TM2D3: variants seen among roughly 807,000 people sequenced by gnomAD.
The protein encoded by TM2D3 is TM2 domain containing 3.
Under a neutral mutation model 27.3 loss-of-function variants are expected in TM2D3, and 33 were observed. The observed-to-expected ratio is 1.21, with a 90% confidence interval of 0.92 to 1.61. The LOEUF is 1.61. Ranked by LOEUF, TM2D3 falls within the 40% of genes most tolerant of loss-of-function variation. The pLI is 0.00. For missense variants in TM2D3, 364 were observed against 320.8 expected (o/e 1.13, Z -1.03); for synonymous variants, 138 against 122.2 (o/e 1.13, Z -0.85).
downstream of TM2D3, among the ~76,000 whole-genome samples, chr15:101,640,680 T>C (rs887459470): frequency 2.0e-5 from 3 of 152,256 alleles, no homozygotes; most frequent in African/African-American, 7.2e-5. Flanking sequence ...TAAATTTGTT[T>C]GTACTATTTG....
chr15:101,633,070 CA>C (rs1246722255), exon 5 of TM2D3: 2 of 152,108 alleles, frequency 1.3e-5, no homozygotes, highest in African/African-American at 4.8e-5. Context: ...CTATGTTTGG[CA>C]AAACTAACTT....
chr15:101,650,344 G>A, intron 2 of TM2D3, 183 bp from the exon 3 acceptor site: 1 of 546,314 alleles, frequency 1.8e-6, no homozygotes, highest in Non-Finnish European at 3.1e-6. Context: ...GCCAGCTGTG[G>A]GACCTGGTGA....
At chr15:101,648,660 T>C (rs1896884279) in intron 3 of TM2D3, among the ~76,000 whole-genome samples, 1 of 152,230 alleles carries the variant, frequency 6.6e-6, no homozygotes, top group Non-Finnish European at 1.5e-5. Context: ...CATTTAATGT[T>C]CCCCAATACT....
At chr15:101,640,978 T>A (rs1198432493), downstream of TM2D3, among the ~76,000 whole-genome samples, 3 of 152,242 alleles carry the variant, frequency 2.0e-5, no homozygotes, top group Non-Finnish European at 4.4e-5. Flanking sequence ...GGGCAATGCA[T>A]ACTTCCTACT....
chr15:101,644,980 G>A, intron 5 of TM2D3, 107 bp downstream of exon 5: 2 of 955,646 alleles, frequency 2.1e-6, no homozygotes, highest in South Asian at 1.4e-5. Flanking sequence ...AACACACGTG[G>A]TAGGATCTGA....
intron 3 of TM2D3, among the ~76,000 whole-genome samples, chr15:101,647,305 A>G (rs1896840973): frequency 6.6e-6 from 1 of 152,220 alleles, no homozygotes; most frequent in Admixed American, 6.5e-5. Flanking sequence ...TGATGAATGC[A>G]TTTGTTGAAG....
intron 2 of TM2D3, chr15:101,650,708 T>C (rs1284691080): frequency 6.6e-6 from 1 of 151,060 alleles, no homozygotes; most frequent in African/African-American, 2.5e-5. Flanking sequence ...TAATATAATA[T>C]TTACAGTTTT....
At chr15:101,650,402 G>A (rs973367327) in intron 2 of TM2D3, 14 of 379,320 alleles carry the variant, frequency 3.7e-5, no homozygotes, top group East Asian at 8.2e-5. Flanking sequence ...CCACGTGGCC[G>A]TGAAAACTAA....
At chr15:101,649,289 T>G (rs1480556782) in intron 3 of TM2D3, among the ~76,000 whole-genome samples, 1 of 152,186 alleles carries the variant, frequency 6.6e-6, no homozygotes, top group Non-Finnish European at 1.5e-5. Flanking sequence ...GTTTGCCATG[T>G]CTTTTGCCTT....
At chr15:101,643,055 C>A (rs924641448) in intron 5 of TM2D3, among the ~76,000 whole-genome samples, 8 of 152,034 alleles carry the variant, frequency 5.3e-5, no homozygotes, top group Non-Finnish European at 8.8e-5. Flanking sequence ...TCATTCATCT[C>A]TAAAATCTTA....
In TM2D3 at chr15:101,642,159, G is replaced by A. The variant is rs933455779; in HGVS notation, c.*320C>T. On this transcript the variant is annotated 3_prime_UTR_variant, in exon 6 of 6. Transcript: ENST00000333202. Reference sequence around the variant, plus strand: ...CAAGGCAGACTACATTTGGGCTGGAGATACAAGTGATGTAGTTTGACTTGG... The same window carrying A: ...CAAGGCAGACTACATTTGGGCTGGAAATACAAGTGATGTAGTTTGACTTGG... 2.0e-6 allele frequency: 2 copies of A among 1,018,376 alleles called. No individual in the cohort carries two copies. The highest frequency in any genetic ancestry group is 1.2e-6 in the Non-Finnish European group (1 of 851,986). The allele number at this position is 1,018,376 out of a possible 1,614,324, so 63.1% of individuals were successfully genotyped here.
chr15:101,652,332 G>C lies in TM2D3; in HGVS notation c.30C>G (p.Gly10=), dbSNP rs1265432939. ...GCAGCACGCGACACAAGGCGCGGAG[G>C]CCCCTCAGCGGGAGCACCCCTCCCG... MAGGVLPLR[G]LRALCRVLLF... is the part of the protein sequence containing the mutation. The change falls in exon 1 of 6, where the codon GGC becomes GGG. Residue 10 remains glycine, a synonymous_variant. Transcript: ENST00000333202. The C allele has an allele frequency of 1.2e-6, 2 of 1,601,862 alleles. No homozygotes were observed. Among genetic ancestry groups the C allele is most frequent in the Non-Finnish European group, 1.7e-6 (2 of 1,175,020 alleles).
chr15:101,633,887 A>C (rs1165031177), intron 4 of TM2D3: 1 of 531,736 alleles, frequency 1.9e-6, no homozygotes, highest in Non-Finnish European at 3.2e-6. Context: ...AGCGTTGAGA[A>C]GACTCAGACA....
At chr15:101,636,134 T>G (rs545031961) in intron 4 of TM2D3, 1 of 152,208 alleles carries the variant, frequency 6.6e-6, no homozygotes, top group African/African-American at 2.4e-5. Flanking sequence ...TTCCATTATA[T>G]GAATGAACTA....
In TM2D3 at chr15:101,642,468, A is replaced by G; in HGVS notation, c.*11T>C. 1 of 1,599,524 alleles carries G rather than the reference A, an allele frequency of 6.3e-7. No individual in the cohort carries two copies. Among genetic ancestry groups the G allele is most frequent in the Non-Finnish European group, 8.5e-7 (1 of 1,171,470 alleles). ...TCTAAGCCCTGCTCCTTTCTGAAGC[A>G]CACACCACAGCTAAATGTACAAAGA... On this transcript the variant is annotated 3_prime_UTR_variant, in exon 6 of 6. Transcript: ENST00000333202.
At chr15:101,638,018 G>T (rs1466318426), downstream of TM2D3, among the ~76,000 whole-genome samples, 1 of 152,142 alleles carries the variant, frequency 6.6e-6, no homozygotes, top group African/African-American at 2.4e-5. Context: ...CTGGTCTCTG[G>T]TTTCTTGACT....
chr15:101,651,775 T>A lies in TM2D3; in HGVS notation c.92-2A>T, dbSNP rs1161681023. 1.1e-5 allele frequency: 17 copies of A among 1,613,882 alleles called. No homozygotes were observed. The highest frequency in any genetic ancestry group is 1.4e-5 in the Non-Finnish European group (17 of 1,179,900). On this transcript the variant is annotated splice_acceptor_variant, in intron 1 of 5. Transcript: ENST00000333202. LOFTEE classifies it high-confidence loss of function. The stretch of plus-strand genomic sequence containing the variant: ...ACTGAGCCAGCGCCTGCGATTGCTC[T>A]AAATTTAAGGATCGTACAATTAGAG...
chr15:101,640,585 T>C (rs181282432), downstream of TM2D3, among the ~76,000 whole-genome samples: 2 of 152,332 alleles, frequency 1.3e-5, no homozygotes, highest in Non-Finnish European at 2.9e-5. Flanking sequence ...CTACAAGAGA[T>C]TGCACCCACA....
chr15:101,644,431 C>A (rs1484671742), intron 5 of TM2D3, among the ~76,000 whole-genome samples: 1 of 152,190 alleles, frequency 6.6e-6, no homozygotes, highest in African/African-American at 2.4e-5. Context: ...AAAACTCATT[C>A]AGCCCAGAAC....
Sources: gnomAD v4.1 joint callset for allele counts (sites outside exome capture counted in the v4.1 genomes callset) on GRCh38, gnomAD v4.1.1 for gene constraint, MANE v1.5 for transcripts, NCBI Gene and HGNC (gene_info 2026-07-23, HGNC 2026-07-21) for gene names.